DTNB: variants seen among roughly 807,000 people sequenced by gnomAD.
DTNB encodes DTN-B.
A neutral mutation model predicts 90.7 loss-of-function variants in DTNB; 63 were observed. That is an observed-to-expected ratio of 0.69 (90% CI 0.57 to 0.86). The LOEUF (loss-of-function observed/expected upper bound fraction) is 0.86. Among genes scored for constraint, DTNB ranks in the 40% least tolerant of loss-of-function variants. The probability of loss-of-function intolerance (pLI) is 0.00; values close to 1 mark genes in which losing one functional copy is unlikely to be tolerated. For missense variants in DTNB, 744 were observed against 807.1 expected, an observed-to-expected ratio of 0.92 and a Z score of 0.95; for synonymous variants, 277 against 286.7, an observed-to-expected ratio of 0.97 and a Z score of 0.34.
intron 8 of DTNB, among the ~76,000 whole-genome samples, chr2:25,552,642 A>G (rs2056503895): frequency 6.6e-6 from 1 of 152,124 alleles, no homozygotes; most frequent in South Asian, 2.1e-4. Context: ...GAGATTCTTC[A>G]GAGCCTGAGG....
At chr2:25,390,414 T>G (rs1308367248) in intron 16 of DTNB, among the ~76,000 whole-genome samples, 1 of 152,100 alleles carries the variant, frequency 6.6e-6, no homozygotes, top group African/African-American at 2.4e-5. Flanking sequence ...CATTGAAATT[T>G]TAAACTTTTT....
chr2:25,667,926 T>C (rs1331342474), intron 1 of DTNB, among the ~76,000 whole-genome samples: 3 of 152,166 alleles, frequency 2.0e-5, no homozygotes, highest in Non-Finnish European at 4.4e-5. Flanking sequence ...TAAAAAGGAA[T>C]ATTATCATTC....
At chr2:25,592,800 C>T (rs996960964) in intron 6 of DTNB, among the ~76,000 whole-genome samples, 9 of 152,100 alleles carry the variant, frequency 5.9e-5, no homozygotes, top group African/African-American at 2.2e-4. Context: ...TTGGAACAAC[C>T]ACTAAGAATC....
chr2:25,443,489 C>G (rs1200007011), intron 12 of DTNB, among the ~76,000 whole-genome samples: 1 of 152,222 alleles, frequency 6.6e-6, no homozygotes, highest in Non-Finnish European at 1.5e-5. Flanking sequence ...CAGTAGCATG[C>G]ATTTCTGGAG....
At chr2:25,502,970 C>T (rs2071175168) in intron 9 of DTNB, among the ~76,000 whole-genome samples, 2 of 141,822 alleles carry the variant, frequency 1.4e-5, no homozygotes, top group Admixed American at 1.5e-4. Flanking sequence ...GGGAAGATCA[C>T]CTGAGCCCGG....
intron 1 of DTNB, among the ~76,000 whole-genome samples, chr2:25,658,027 T>C (rs554337196): frequency 1.3e-5 from 2 of 151,162 alleles, no homozygotes; most frequent in East Asian, 3.9e-4. Context: ...GAGGCCGAGG[T>C]GGGTGGATCA....
intron 4 of DTNB, among the ~76,000 whole-genome samples, chr2:25,609,595 C>CA (rs34804799): frequency 0.061 from 6,634 of 109,166 alleles, 1,076 homozygotes; most frequent in African/African-American, 0.22. Flanking sequence ...GAAACTCTTT[C>CA]AAAAAAAAAA....
chr2:25,593,230 G>T (rs556801635), intron 6 of DTNB, among the ~76,000 whole-genome samples: 13 of 152,206 alleles, frequency 8.5e-5, no homozygotes, highest in Non-Finnish European at 1.3e-4. Flanking sequence ...TTTTTGTTCA[G>T]CCCAGAACAT....
At chr2:25,518,209 AT>A (rs201190963) in intron 9 of DTNB, among the ~76,000 whole-genome samples, 46,753 of 151,704 alleles carry the variant, frequency 0.31, 8,463 homozygotes, top group East Asian at 0.51. Flanking sequence ...TTATTTTTTT[AT>A]CCACAATAAA....
At chr2:25,408,071 T>A (rs1370294927) in intron 16 of DTNB, among the ~76,000 whole-genome samples, 1 of 152,084 alleles carries the variant, frequency 6.6e-6, no homozygotes, top group East Asian at 1.9e-4. Flanking sequence ...TTTGGGAGGC[T>A]GAGGTGGGTG....
chr2:25,620,198 AAAG>A (rs1483750863), intron 4 of DTNB, among the ~76,000 whole-genome samples: 3 of 152,162 alleles, frequency 2.0e-5, no homozygotes, highest in Non-Finnish European at 4.4e-5. Flanking sequence ...TCATATTGGA[AAAG>A]AAGAGCGTCT....
chr2:25,596,054 T>G, intron 6 of DTNB, 32 bp downstream of exon 6: 1 of 1,544,496 alleles, frequency 6.5e-7, no homozygotes. Flanking sequence ...AGAGCGCTCT[T>G]CTAGCCCTAG....
chr2:25,576,748 G>T lies in DTNB; in HGVS notation c.876+90C>A, dbSNP rs369080869. ...ATTTTACTATATCACACCCTTATTT[G>T]GTAGGCATCCATGAGGAAACTGGCC... On this transcript the variant is annotated intron_variant, in intron 8 of 20. Transcript: ENST00000406818. 1.8e-5 allele frequency: 25 copies of T among 1,395,696 alleles called. No homozygotes were observed. The African/African-American group carries it at 2.6e-4, about 15-fold the overall frequency. The allele number at this position is 1,395,696 out of a possible 1,614,324, so 86.5% of individuals were successfully genotyped here. A position where few individuals can be genotyped will look rare whatever the true frequency, so the allele number is the denominator to read the frequency against.
At chr2:25,574,843 C>T (rs2060417303) in intron 8 of DTNB, among the ~76,000 whole-genome samples, 1 of 152,046 alleles carries the variant, frequency 6.6e-6, no homozygotes. Context: ...ATAAAACAAG[C>T]TGAAATAAGA....
At position 25,571,853 on chromosome 2, in the gene DTNB, C is replaced by CTGAGAAGCGATATATATATATA. The variant is rs533005350; in HGVS notation, c.876+4963_876+4984dup. Among the ~76,000 whole-genome samples the CTGAGAAGCGATATATATATATA allele has an allele frequency of 7.5e-4, 113 of 150,356 alleles. 2 individuals carry two copies. In the East Asian group the frequency reaches 0.019, roughly 26 times the overall value. On this transcript the variant is annotated intron_variant, in intron 8 of 20. Coordinates refer to ENST00000406818, the MANE Select transcript of DTNB (RefSeq NM_021907.5). ...GCACACCTGCTTCAAACTGCCTTGGCTGAGAAGCGATATATATATATATAA... is the reference window on the plus strand; with the variant it reads ...GCACACCTGCTTCAAACTGCCTTGGCTGAGAAGCGATATATATATATATGAGAAGCGATATATATATATATAA...
intron 4 of DTNB, among the ~76,000 whole-genome samples, chr2:25,619,517 C>A (rs1005124627): frequency 6.6e-6 from 1 of 152,172 alleles, no homozygotes; most frequent in Admixed American, 6.5e-5. Context: ...CTTTTCATTT[C>A]AATCTTATAA....
chr2:25,431,411 A>C (rs947177310), intron 14 of DTNB, among the ~76,000 whole-genome samples: 5 of 152,204 alleles, frequency 3.3e-5, no homozygotes, highest in African/African-American at 1.2e-4. Context: ...GTAGAAGACC[A>C]GTATGTTTTG....
intron 8 of DTNB, among the ~76,000 whole-genome samples, chr2:25,550,284 G>A (rs1430699448): frequency 6.6e-6 from 1 of 152,018 alleles, no homozygotes. Context: ...CCAGCTACTC[G>A]GGAGGCTGAG....
At chr2:25,493,946 C>A (rs534809784) in intron 9 of DTNB, among the ~76,000 whole-genome samples, 1 of 152,244 alleles carries the variant, frequency 6.6e-6, no homozygotes, top group South Asian at 2.1e-4. Context: ...GTAACAAAGA[C>A]AACTTAATTA....
Sources: allele counts gnomAD v4.1 joint callset (sites outside exome capture counted in the v4.1 genomes callset), GRCh38; gene constraint gnomAD v4.1.1; transcripts MANE v1.5; gene names NCBI Gene and HGNC (gene_info 2026-07-23, HGNC 2026-07-21).